PTPN3: variants seen among roughly 807,000 people sequenced by gnomAD.
The protein encoded by PTPN3 is tyrosine-protein phosphatase non-receptor type 3.
A neutral mutation model predicts 132.7 loss-of-function variants in PTPN3; 96 were observed. That is an observed-to-expected ratio of 0.72 (90% CI 0.61 to 0.86). The LOEUF is 0.86. PTPN3 is among the 40% of genes least tolerant of loss of function. The pLI, the probability that PTPN3 is intolerant of heterozygous loss-of-function variation, is 0.00. For missense variants in PTPN3, 1,125 were observed against 1,159.6 expected, an observed-to-expected ratio of 0.97 and a Z score of 0.43; for synonymous variants, 398 against 429.0, an observed-to-expected ratio of 0.93 and a Z score of 0.89.
At chr9:109,537,931 C>A in the PTPN3 span, among the ~76,000 whole-genome samples, 3 of 152,248 alleles carry the variant, frequency 2.0e-5, no homozygotes, top group Non-Finnish European at 4.4e-5. Flanking sequence ...CACTTGCTGT[C>A]ATAGAAGTGT....
At chr9:109,493,898 C>T (rs1847569851) in intron 1 of PTPN3, among the ~76,000 whole-genome samples, 1 of 152,198 alleles carries the variant, frequency 6.6e-6, no homozygotes, top group African/African-American at 2.4e-5. Context: ...AGCCTGGCGA[C>T]AGGGTTGCTG....
At chr9:109,419,263 AG>A (rs1391514933) in intron 14 of PTPN3, among the ~76,000 whole-genome samples, 1 of 152,254 alleles carries the variant, frequency 6.6e-6, no homozygotes, top group Non-Finnish European at 1.5e-5. Flanking sequence ...GAGAGGTAGC[AG>A]CCTCACATAC....
At chr9:109,498,788 C>T (rs1847802365), upstream of PTPN3, among the ~76,000 whole-genome samples, 1 of 152,120 alleles carries the variant, frequency 6.6e-6, no homozygotes, top group Non-Finnish European at 1.5e-5. This position sits in a 1 kb window ranked among gnomAD's most constrained non-coding sequence, Gnocchi z 4.2. Flanking sequence ...TCATCTCACA[C>T]CTGCCTTCCT....
At chr9:109,534,499 G>A in the PTPN3 span, among the ~76,000 whole-genome samples, 1 of 151,980 alleles carries the variant, frequency 6.6e-6, no homozygotes, top group African/African-American at 2.4e-5. Context: ...TAGTGTGGCC[G>A]GGCGTGGTGG....
chr9:109,516,758 T>C, the PTPN3 span, among the ~76,000 whole-genome samples: 1 of 152,156 alleles, frequency 6.6e-6, no homozygotes, highest in Non-Finnish European at 1.5e-5. Context: ...GTCATTGCAC[T>C]AATAAAAGGG....
At chr9:109,416,878 C>T (rs1017557457) in intron 14 of PTPN3, among the ~76,000 whole-genome samples, 1 of 152,212 alleles carries the variant, frequency 6.6e-6, no homozygotes, top group African/African-American at 2.4e-5. Context: ...GGGTGTCATG[C>T]TGGTGACCCA....
the PTPN3 span, among the ~76,000 whole-genome samples, chr9:109,522,937 G>A: frequency 1.3e-5 from 2 of 152,030 alleles, no homozygotes; most frequent in Non-Finnish European, 2.9e-5. Context: ...TTTCAGTTCT[G>A]ACTCTACCAT....
At chr9:109,422,002 G>C (rs181352625) in intron 13 of PTPN3, among the ~76,000 whole-genome samples, 2 of 152,210 alleles carry the variant, frequency 1.3e-5, no homozygotes, top group African/African-American at 4.8e-5. Flanking sequence ...ATTATAATAA[G>C]ATAATGATAA....
At chr9:109,534,623 A>AAAAAATAC in the PTPN3 span, among the ~76,000 whole-genome samples, 78 of 24,612 alleles carry the variant, frequency 3.2e-3, no homozygotes, top group African/African-American at 0.03. Context: ...CTAAAAATAC[A>AAAAAATAC]AAAAAATACA....
the PTPN3 span, among the ~76,000 whole-genome samples, chr9:109,527,912 C>A: frequency 2.0e-5 from 3 of 152,140 alleles, no homozygotes; most frequent in African/African-American, 4.8e-5. Flanking sequence ...TCTTACAAAT[C>A]ATTAGGAATA....
intron 1 of PTPN3, among the ~76,000 whole-genome samples, chr9:109,484,707 C>A (rs1476787746): frequency 6.6e-6 from 1 of 152,164 alleles, no homozygotes; most frequent in East Asian, 1.9e-4. Flanking sequence ...TGTTTGATAT[C>A]CATCCCATTC....
upstream of PTPN3, among the ~76,000 whole-genome samples, chr9:109,499,383 A>G (rs1443754784): frequency 6.6e-6 from 1 of 152,164 alleles, no homozygotes; most frequent in Non-Finnish European, 1.5e-5. Flanking sequence ...CCGAGGGAAC[A>G]GCCAGTGCCA....
At chr9:109,402,278 T>TAAAAAAAAGG (rs1841194329) in intron 19 of PTPN3, among the ~76,000 whole-genome samples, 1 of 127,952 alleles carries the variant, frequency 7.8e-6, no homozygotes, top group Non-Finnish European at 1.9e-5. Context: ...AGATAACCTC[T>TAAAAAAAAGG]ACATTTCCTT....
chr9:109,481,205 C>T (rs1473658961), intron 1 of PTPN3, among the ~76,000 whole-genome samples: 1 of 152,158 alleles, frequency 6.6e-6, no homozygotes, highest in East Asian at 1.9e-4. Flanking sequence ...CCTCAGTGCA[C>T]AGATAAGGAA....
Position 109,377,231 on chromosome 9 carries a change from C to G in PTPN3, c.*2325G>C, listed in dbSNP as rs574388289. On this transcript the variant is annotated 3_prime_UTR_variant, in exon 26 of 26. Transcript: ENST00000374541. Reference sequence around the variant, plus strand: ...AGATTATTTTGTGCTCTTGTTCTCTCTCTTCTAGAAGAGCATTTTCTATTT... The same window carrying G: ...AGATTATTTTGTGCTCTTGTTCTCTGTCTTCTAGAAGAGCATTTTCTATTT... 1.3e-5 allele frequency: 2 copies of G among 152,258 alleles called. No homozygotes were observed. The highest frequency in any genetic ancestry group is 4.1e-4 in the South Asian group (2 of 4,828). The allele number at this position is 152,258 out of a possible 1,614,324, so 9.4% of individuals were successfully genotyped here. A position where few individuals can be genotyped will look rare whatever the true frequency, so the allele number is the denominator to read the frequency against.
intron 21 of PTPN3, among the ~76,000 whole-genome samples, chr9:109,389,971 C>G (rs138748623): frequency 6.6e-6 from 1 of 152,158 alleles, no homozygotes; most frequent in African/African-American, 2.4e-5. Flanking sequence ...GTCCTTTTGA[C>G]GAAAGAACAC....
At chr9:109,529,866 T>C in the PTPN3 span, among the ~76,000 whole-genome samples, 1 of 152,134 alleles carries the variant, frequency 6.6e-6, no homozygotes, top group African/African-American at 2.4e-5. Flanking sequence ...GGGGTGGGGA[T>C]TTAAAGTTAC....
intron 19 of PTPN3, among the ~76,000 whole-genome samples, chr9:109,395,786 G>C (rs1425304889): frequency 2.0e-5 from 3 of 151,382 alleles, no homozygotes; most frequent in South Asian, 4.2e-4. Context: ...GACCCTGTCT[G>C]TGTGTGTCTG....
chr9:109,496,856 T>G lies in PTPN3; in HGVS notation c.-18+1363A>C, dbSNP rs577196754. Among the ~76,000 whole-genome samples the G allele has an allele frequency of 5.4e-4, 82 of 152,266 alleles. 1 individual carries two copies. Among genetic ancestry groups the G allele is most frequent in the Non-Finnish European group, 9.3e-4 (63 of 68,024 alleles). On this transcript the variant is annotated intron_variant, in intron 1 of 25. Coordinates refer to ENST00000374541, the MANE Select transcript of PTPN3 (RefSeq NM_002829.4). ...CTACAATGCCCAGGACACAAAGAAT[T>G]ATCAAACCCTAAATGTCAATAGTGC...
Sources: allele counts gnomAD v4.1 joint callset (sites outside exome capture counted in the v4.1 genomes callset), GRCh38; gene constraint gnomAD v4.1.1; non-coding constraint Gnocchi (gnomAD v3.1); transcripts MANE v1.5; gene names NCBI Gene and HGNC (gene_info 2026-07-23, HGNC 2026-07-21).